The following KIF14 variants were observed in gnomAD, a reference collection of about 807,000 sequenced individuals.
KIF14 encodes kinesin-like protein KIF14.
KIF14 carries 98 observed loss-of-function variants against 176.2 expected under a neutral mutation model. That is an observed-to-expected ratio of 0.56 (90% CI 0.47 to 0.66). KIF14 has a LOEUF of 0.66. Among genes scored for constraint, KIF14 ranks in the 30% least tolerant of loss-of-function variants. The pLI is 0.00. For missense variants in KIF14, 1,751 were observed against 1,920.4 expected (o/e 0.91, Z 1.65); for synonymous variants, 566 against 632.2 (o/e 0.90, Z 1.57).
chr1:200,606,774 A>G lies in KIF14; in HGVS notation c.1579T>C (p.Tyr527His), dbSNP rs749062355. The G allele has an allele frequency of 6.2e-7, 1 of 1,613,608 alleles. No homozygotes were observed. The highest frequency in any genetic ancestry group is 8.5e-7 in the Non-Finnish European group (1 of 1,179,774). The change falls in exon 6 of 30, where the codon TAT becomes CAT. Residue 527 changes from tyrosine (Y) to histidine (H), a missense_variant. Tyr to His is a moderately conservative substitution (Grantham distance 83). Coordinates refer to ENST00000367350, the MANE Select transcript of KIF14 (RefSeq NM_014875.3). ...QPLRVREHPV[Y>H]GPYVEALSMN... ...GACAGTGCTTCAACATATGGTCCAT[A>G]AACAGGATGTTCCCTCACTCTCAGC...
chr1:200,580,230 A>C, intron 21 of KIF14, 24 bp downstream of exon 21: 4 of 1,230,180 alleles, frequency 3.3e-6, no homozygotes, highest in Non-Finnish European at 4.3e-6. Context: ...AAAAATTTAT[A>C]GAGATTTTAA....
At chr1:200,596,882 C>T (rs1306630874) in intron 14 of KIF14, among the ~76,000 whole-genome samples, 3 of 139,288 alleles carry the variant, frequency 2.2e-5, no homozygotes, top group Non-Finnish European at 4.6e-5. Flanking sequence ...CTATCTCTCT[C>T]TCTCTCTTTT....
chr1:200,572,030 T>A (rs1657818735), intron 22 of KIF14, among the ~76,000 whole-genome samples: 1 of 152,208 alleles, frequency 6.6e-6, no homozygotes. Context: ...AGTTCTATAA[T>A]TAAGAATCTG....
chr1:200,586,615 A>T (rs1004872799), intron 18 of KIF14, among the ~76,000 whole-genome samples: 3 of 151,290 alleles, frequency 2.0e-5, no homozygotes, highest in Non-Finnish European at 4.4e-5. Context: ...TCCCATTGAT[A>T]GAAGTTAAAA....
chr1:200,609,697 C>T (rs1053306835), intron 4 of KIF14, among the ~76,000 whole-genome samples: 1 of 152,208 alleles, frequency 6.6e-6, no homozygotes, highest in Non-Finnish European at 1.5e-5. Context: ...CACTCCTATA[C>T]ATCCAAAACA....
chr1:200,569,854 G>A, intron 23 of KIF14, 57 bp downstream of exon 23: 3 of 883,050 alleles, frequency 3.4e-6, no homozygotes, highest in Non-Finnish European at 3.5e-6. Flanking sequence ...AAATGTAATG[G>A]TAGAACCAGG....
Position 200,618,621 on chromosome 1 carries a change from G to A in KIF14, c.103C>T (p.Arg35Ter), listed in dbSNP as rs774318019. 1.5e-5 allele frequency: 25 copies of A among 1,613,858 alleles called. No individual in the cohort carries two copies. Among genetic ancestry groups the A allele is most frequent in the African/African-American group, 2.7e-5 (2 of 74,900 alleles). ...TCCGACTTCAAATGCAGCTTAAGTC[G>A]GCTACTGTGGGTGAGGGCATTCAGT... ...SSLNALTHSS[R>*]LKLHLKSDMS... Residue 35 changes from arginine (R) to a stop codon, truncating the protein, a stop_gained, in exon 2 of 30, where the codon CGA (arginine) becomes TGA (stop). Transcript: ENST00000367350. LOFTEE classifies it high-confidence loss of function.
At chr1:200,610,717 A>G (rs1446323369) in intron 4 of KIF14, among the ~76,000 whole-genome samples, 1 of 152,132 alleles carries the variant, frequency 6.6e-6, no homozygotes, top group African/African-American at 2.4e-5. Context: ...GACATATAAC[A>G]TACCTTCCAA....
intron 14 of KIF14, among the ~76,000 whole-genome samples, chr1:200,596,927 G>A (rs1659381810): frequency 1.7e-5 from 2 of 117,200 alleles, no homozygotes; most frequent in African/African-American, 3.4e-5. Flanking sequence ...ACATAGTCTC[G>A]CTCTGTCACT....
chr1:200,561,400 G>A (rs750754480), intron 25 of KIF14, among the ~76,000 whole-genome samples: 4 of 151,726 alleles, frequency 2.6e-5, no homozygotes, highest in African/African-American at 7.3e-5. Context: ...TTAGCCAGGC[G>A]TGGTGGCGGG....
intron 15 of KIF14, among the ~76,000 whole-genome samples, chr1:200,593,002 T>G (rs560161774): frequency 6.6e-6 from 1 of 152,260 alleles, no homozygotes; most frequent in Admixed American, 6.5e-5. Context: ...GCCCAAAACA[T>G]CATTATGAAG....
chr1:200,569,512 T>C (rs1657662889), intron 23 of KIF14, among the ~76,000 whole-genome samples: 1 of 152,158 alleles, frequency 6.6e-6, no homozygotes, highest in African/African-American at 2.4e-5. Context: ...ACCAGCACTT[T>C]GGGGTTTCGG....
In KIF14 at chr1:200,560,730, T is replaced by G; in HGVS notation, c.4222A>C (p.Ser1408Arg). The G allele has an allele frequency of 6.2e-7, 1 of 1,614,224 alleles. No homozygotes were observed. Among genetic ancestry groups the G allele is most frequent in the Non-Finnish European group, 8.5e-7 (1 of 1,180,034 alleles). ...FLENGNNKAA[S>R]VQEEFMDAVC... is the part of the protein sequence containing the mutation. ...TAACATTGCTAAATTACCTGGACAC[T>G]GGCAGCTTTATTGTTACCGTTTTCT... The change falls in exon 26 of 30, where the codon AGT becomes CGT. Residue 1408 changes from serine (S) to arginine (R), a missense_variant. Coordinates refer to ENST00000367350, the MANE Select transcript of KIF14 (RefSeq NM_014875.3).
intron 14 of KIF14, among the ~76,000 whole-genome samples, chr1:200,596,720 AT>A (rs1330818823): frequency 6.6e-6 from 1 of 151,628 alleles, no homozygotes; most frequent in Non-Finnish European, 1.5e-5. Flanking sequence ...GCCCACCACC[AT>A]GCCGGGCTAA....
Position 200,605,370 on chromosome 1 carries a change from A to C in KIF14, c.1659T>G (p.Asn553Lys), listed in dbSNP as rs1439207388. The C allele has an allele frequency of 6.2e-7, 1 of 1,613,296 alleles. No individual in the cohort carries two copies. The highest frequency in any genetic ancestry group is 8.5e-7 in the Non-Finnish European group (1 of 1,179,512). Residue 553 changes from asparagine to lysine, a missense_variant, in exon 8 of 30, where the codon AAT becomes AAG. Physicochemically the swap from Asn to Lys is moderately conservative, Grantham distance 94. Coordinates refer to ENST00000367350, the MANE Select transcript of KIF14 (RefSeq NM_014875.3). ...ADIQSWLELG[N>K]KQRATAATGM... ...CAGTAGCAGCAGTAGCTCTTTGTTT[A>C]TTTCCCAATTCTAGCCAACTCTTAT...
intron 27 of KIF14, among the ~76,000 whole-genome samples, chr1:200,557,544 T>A (rs1235798000): frequency 6.6e-6 from 1 of 152,098 alleles, no homozygotes; most frequent in Non-Finnish European, 1.5e-5. Flanking sequence ...CAAGGCTACA[T>A]AGGAAGTAGG....
At chr1:200,578,227 C>A (rs1289101881) in intron 21 of KIF14, among the ~76,000 whole-genome samples, 5 of 152,010 alleles carry the variant, frequency 3.3e-5, no homozygotes, top group Admixed American at 6.6e-5. Flanking sequence ...TTCATTATTG[C>A]TTTTATCTCA....
Position 200,617,702 on chromosome 1 carries a change from A to G in KIF14, c.1022T>C (p.Val341Ala). ...TTTTCCTGCAGAGGTGTTCTGAACT[A>G]CAGTTTCTTCTTCGGGAAGAATTGT... ...ENTILPEEET[V>A]VQNTSAGKDP... Residue 341 changes from valine to alanine, a missense_variant, in exon 2 of 30, where the codon GTA becomes GCA. Transcript: ENST00000367350. 1.2e-6 allele frequency: 2 copies of G among 1,614,164 alleles called. No homozygotes were observed. Among genetic ancestry groups the G allele is most frequent in the Non-Finnish European group, 1.7e-6 (2 of 1,180,016 alleles).
At chr1:200,589,410 G>T in intron 17 of KIF14, 41 bp from the exon 18 acceptor site, 1 of 1,525,592 alleles carries the variant, frequency 6.6e-7, no homozygotes. Flanking sequence ...GGCAAAAACC[G>T]TAGCAAAAAA....
Sources: gnomAD v4.1 joint callset for allele counts (sites outside exome capture counted in the v4.1 genomes callset) on GRCh38, gnomAD v4.1.1 for gene constraint, MANE v1.5 for transcripts, NCBI Gene and HGNC (gene_info 2026-07-23, HGNC 2026-07-21) for gene names.